Variants in TRIOBP observed in about 807,000 individuals in gnomAD.
TRIOBP encodes the protein TRIO and F-actin binding protein, also known as TRIO and F-actin-binding protein.
TRIOBP carries 169 observed loss-of-function variants against 238.8 expected under a neutral mutation model. The observed-to-expected ratio is 0.71, with a 90% CI of 0.62 to 0.80. The LOEUF is 0.80. TRIOBP is among the 30% of genes least tolerant of loss of function. TRIOBP has a pLI of 0.00. For missense variants in TRIOBP, 2,838 were observed against 3,122.6 expected, an observed-to-expected ratio of 0.91 and a Z score of 2.17; for synonymous variants, 1,150 against 1,274.4, an observed-to-expected ratio of 0.90 and a Z score of 2.08.
intron 6 of TRIOBP, among the ~76,000 whole-genome samples, chr22:37,719,993 C>CTG (rs1364869134): frequency 1.3e-3 from 45 of 35,024 alleles, no homozygotes; most frequent in East Asian, 7.2e-3. Context: ...ACTCATCCCC[C>CTG]CCCGCCCTTT....
intron 17 of TRIOBP, chr22:37,759,531 A>C (rs1926131607): frequency 6.2e-7 from 1 of 1,604,290 alleles, no homozygotes; most frequent in Admixed American, 1.7e-5. Flanking sequence ...GATTTGAGCG[A>C]GGGTCCGGCT....
chr22:37,751,919 G>C (rs936983224), intron 12 of TRIOBP, 91 bp downstream of exon 12: 2 of 948,956 alleles, frequency 2.1e-6, no homozygotes, highest in African/African-American at 1.7e-5. Context: ...GCTGGGGCTG[G>C]TGTGAGAACC....
At chr22:37,732,509 C>CAAAA (rs36003951) in intron 7 of TRIOBP, among the ~76,000 whole-genome samples, 40 of 99,532 alleles carry the variant, frequency 4.0e-4, no homozygotes, top group East Asian at 9.1e-4. Flanking sequence ...GACTCCATCT[C>CAAAA]AAAAAAAAAA....
At chr22:37,738,849 A>G (rs904592418) in intron 10 of TRIOBP, 130 bp downstream of exon 10, 31 of 965,792 alleles carry the variant, frequency 3.2e-5, no homozygotes, top group Middle Eastern at 3.1e-4. Flanking sequence ...GGGGTCATCT[A>G]TGTGCATGGT....
At chr22:37,716,221 C>T (rs1337148174) in intron 6 of TRIOBP, among the ~76,000 whole-genome samples, 1 of 152,006 alleles carries the variant, frequency 6.6e-6, no homozygotes, top group African/African-American at 2.4e-5. Context: ...AAGCGATTCT[C>T]CTGCCCCAGC....
intron 11 of TRIOBP, among the ~76,000 whole-genome samples, chr22:37,748,972 CAG>C (rs1379671633): frequency 5.3e-5 from 8 of 152,144 alleles, no homozygotes; most frequent in Admixed American, 1.3e-4. Context: ...GTGGTATAAA[CAG>C]GGGCCCCTCA....
chr22:37,733,309 C>G lies in TRIOBP; in HGVS notation c.3959C>G (p.Ala1320Gly). ...LFGQERRKSEAAGAFQAQDEG... is the reference protein window; with the variant it reads ...LFGQERRKSEGAGAFQAQDEG... Reference sequence around the variant, plus strand: ...GCATTTGCTCATAGGAAGTCCGAGGCAGCGGGGGCCTTCCAGGCCCAGGAC... The same window carrying G: ...GCATTTGCTCATAGGAAGTCCGAGGGAGCGGGGGCCTTCCAGGCCCAGGAC... Residue 1320 changes from alanine (A) to glycine (G), a missense_variant, in exon 8 of 24, where the codon GCA becomes GGA. By Grantham distance (60) the Ala-to-Gly change is moderately conservative (BLOSUM62 0). This residue lies in a region of TRIOBP where 2,096 missense variants were observed against 2,137.4 expected (regional missense o/e 0.98). Transcript: ENST00000644935. 6.4e-7 allele frequency: 1 copy of G among 1,550,762 alleles called. No homozygotes were observed.
In TRIOBP at chr22:37,743,257, T is replaced by C. The variant is rs188784419; in HGVS notation, c.5322+2225T>C. ...CTTCTCTTGGGCTGAAGCAGTGAAA[T>C]TAGCCCAAGGCCAAGAGCCAGAAAG... is the stretch of plus-strand genomic sequence containing the variant. On this transcript the variant is annotated intron_variant, in intron 11 of 23. Coordinates refer to ENST00000644935, the MANE Select transcript of TRIOBP (RefSeq NM_001039141.3). Among the ~76,000 whole-genome samples the C allele has an allele frequency of 7.2e-4, 109 of 152,322 alleles. 3 individuals carry two copies. The highest frequency in any genetic ancestry group is 6.9e-3 in the Admixed American group (106 of 15,300).
At chr22:37,738,864 C>T (rs1924807530) in intron 10 of TRIOBP, 145 bp downstream of exon 10, 1 of 896,126 alleles carries the variant, frequency 1.1e-6, no homozygotes, top group African/African-American at 1.7e-5. Flanking sequence ...CATGGTGGGG[C>T]CTTAAGAAGA....
intron 15 of TRIOBP, 79 bp downstream of exon 15, chr22:37,755,738 G>C: frequency 2.4e-6 from 3 of 1,231,588 alleles, no homozygotes; most frequent in Non-Finnish European, 3.6e-6. Context: ...GTACTCACCT[G>C]AGGGCTGCAC....
intron 11 of TRIOBP, among the ~76,000 whole-genome samples, chr22:37,749,219 G>T (rs749434473): frequency 6.6e-6 from 1 of 152,138 alleles, no homozygotes; most frequent in Non-Finnish European, 1.5e-5. Context: ...GCTGGACATG[G>T]TGGTGGGTGC....
chr22:37,758,251 CT>C (rs766390931), intron 16 of TRIOBP, 113 bp downstream of exon 16: 12 of 1,354,924 alleles, frequency 8.9e-6, no homozygotes, highest in East Asian at 2.5e-5. Context: ...GAGCTCACCC[CT>C]GATCTGCTGT....
At chr22:37,751,061 C>A in intron 11 of TRIOBP, 1 of 410,196 alleles carries the variant, frequency 2.4e-6, no homozygotes, top group Non-Finnish European at 5.0e-6. Flanking sequence ...ACTAGATGAG[C>A]ATGGTCAGAA....
At chr22:37,739,432 A>G (rs1924833885) in intron 10 of TRIOBP, among the ~76,000 whole-genome samples, 1 of 9,552 alleles carries the variant, frequency 1.0e-4, no homozygotes, top group Non-Finnish European at 1.6e-4. Flanking sequence ...ATTGGGCAGC[A>G]TAGCGCCCCC....
chr22:37,713,944 C>T lies in TRIOBP; in HGVS notation c.456+533C>T, dbSNP rs1226764163. Among the ~76,000 whole-genome samples the T allele has an allele frequency of 3.3e-5, 5 of 152,272 alleles. No individual in the cohort carries two copies. The East Asian group carries it at 7.7e-4, about 23-fold the overall frequency. On this transcript the variant is annotated intron_variant, in intron 5 of 23. Coordinates refer to ENST00000644935, the MANE Select transcript of TRIOBP (RefSeq NM_001039141.3). ...CAGAGCAGAAGAGACAGGCTTGTCC[C>T]AGGAGACCCCCCAAAAGGAAAATGA...
At chr22:37,729,210 G>A (rs1333880444) in intron 7 of TRIOBP, among the ~76,000 whole-genome samples, 1 of 150,872 alleles carries the variant, frequency 6.6e-6, no homozygotes, top group East Asian at 1.9e-4. Context: ...GAGCCACCGT[G>A]CCTGGTCTGA....
intron 12 of TRIOBP, 55 bp downstream of exon 12, chr22:37,751,883 C>G: frequency 1.5e-6 from 2 of 1,346,012 alleles, no homozygotes; most frequent in Non-Finnish European, 2.0e-6. Flanking sequence ...TGCTGGGCCC[C>G]TGGGCAGCCC....
chr22:37,724,740 C>A lies in TRIOBP; in HGVS notation c.2184C>A (p.Asp728Glu). Residue 728 changes from aspartate to glutamate, a missense_variant, in exon 7 of 24, where the codon GAC becomes GAA. Transcript: ENST00000644935. ...ENPRTSCARR[D>E]NPRASSRNRT... ...CCAGAACATCCTGTGCCCGACGGGA[C>A]AATCCCAGAGCCTCCTCTCGCAACA... 1.2e-6 allele frequency: 2 copies of A among 1,612,720 alleles called. No individual in the cohort carries two copies. The highest frequency in any genetic ancestry group is 1.7e-6 in the Non-Finnish European group (2 of 1,179,450).
At chr22:37,712,332 TTTTA>T (rs1203791989) in intron 4 of TRIOBP, among the ~76,000 whole-genome samples, 1 of 151,904 alleles carries the variant, frequency 6.6e-6, no homozygotes. Context: ...ATTTTTGTAT[TTTTA>T]TTTATTTATT....
Sources: gnomAD v4.1 joint callset for allele counts (sites outside exome capture counted in the v4.1 genomes callset) on GRCh38, gnomAD v4.1.1 for gene constraint, gnomAD v4.1.1 regional missense constraint, MANE v1.5 for transcripts, NCBI Gene and HGNC (gene_info 2026-07-23, HGNC 2026-07-21) for gene names.